The following ANK2 variants were observed in gnomAD, a reference collection of about 807,000 sequenced individuals.
ANK2 encodes ankyrin 2.
A neutral mutation model predicts 360.5 loss-of-function variants in ANK2; 83 were observed. The ratio of observed to expected loss-of-function variants is 0.23; its 90% CI spans 0.19 to 0.28. The LOEUF is 0.28. Among genes scored for constraint, ANK2 ranks in the 10% least tolerant of loss-of-function variants. The pLI, the probability that ANK2 is intolerant of heterozygous loss-of-function variation, is 1.00. For synonymous variants in ANK2, 1,740 were observed against 1,759.5 expected (o/e 0.99, Z 0.28); for missense variants, 4,201 against 4,795.7 (o/e 0.88, Z 3.66).
rs773079706 is a variant in ANK2 at position 113,333,041 on chromosome 4, A to T, written c.3225-13A>T. 6.2e-7 allele frequency: 1 copy of T among 1,614,142 alleles called. No individual in the cohort carries two copies. ...CTCCTGTCCACACTGAATGTTCTGCATTGCTATGTCAGGCCTGTGATCGTG... is the reference window on the plus strand; with the variant it reads ...CTCCTGTCCACACTGAATGTTCTGCTTTGCTATGTCAGGCCTGTGATCGTG... On this transcript the variant is annotated splice_polypyrimidine_tract_variant and intron_variant, in intron 28 of 45. Coordinates refer to ENST00000357077, the MANE Select transcript of ANK2 (RefSeq NM_001148.6).
At chr4:112,914,580 G>T (rs1187423843) in intron 2 of ANK2, among the ~76,000 whole-genome samples, 2 of 152,120 alleles carry the variant, frequency 1.3e-5, no homozygotes, top group African/African-American at 4.8e-5. Context: ...CTCCAGCCTA[G>T]GTGACAGAGC....
At chr4:112,938,576 A>T (rs2093950515) in intron 2 of ANK2, among the ~76,000 whole-genome samples, 1 of 152,238 alleles carries the variant, frequency 6.6e-6, no homozygotes, top group Admixed American at 6.5e-5. Context: ...AAAATCAAGT[A>T]ATGGCAAAAT....
chr4:113,069,649 TGA>T (rs2076852956), intron 1 of ANK2, among the ~76,000 whole-genome samples: 1 of 152,212 alleles, frequency 6.6e-6, no homozygotes, highest in Non-Finnish European at 1.5e-5. Context: ...GCACCATCAT[TGA>T]TACTAAACTT....
chr4:112,781,009 AT>A, the ANK2 span, among the ~76,000 whole-genome samples: 90 of 152,162 alleles, frequency 5.9e-4, no homozygotes, highest in African/African-American at 2.1e-3. Flanking sequence ...AAAAGTTATT[AT>A]TTTTTTGAGA....
chr4:112,864,689 A>G (rs571798033), intron 1 of ANK2, among the ~76,000 whole-genome samples: 2 of 152,182 alleles, frequency 1.3e-5, no homozygotes, highest in East Asian at 3.9e-4. Context: ...GTTTTGATAT[A>G]ATATAAAAGC....
chr4:113,098,996 A>G (rs2092277839), intron 1 of ANK2, among the ~76,000 whole-genome samples: 1 of 151,932 alleles, frequency 6.6e-6, no homozygotes, highest in Non-Finnish European at 1.5e-5. Flanking sequence ...CTAGGAACTG[A>G]GGGGAACTTC....
chr4:112,997,288 A>C (rs73840981), intron 2 of ANK2, among the ~76,000 whole-genome samples: 2 of 152,148 alleles, frequency 1.3e-5, no homozygotes, highest in Non-Finnish European at 2.9e-5. Context: ...CTCTTTAGCA[A>C]TTTTCAAGTA....
At chr4:113,284,658 T>C (rs1365120472) in intron 18 of ANK2, among the ~76,000 whole-genome samples, 1 of 152,212 alleles carries the variant, frequency 6.6e-6, no homozygotes, top group Non-Finnish European at 1.5e-5. Flanking sequence ...CAAAGTAATT[T>C]TGTTATCTTT....
chr4:112,846,956 C>T (rs2063463565), intron 1 of ANK2, among the ~76,000 whole-genome samples: 1 of 152,174 alleles, frequency 6.6e-6, no homozygotes, highest in African/African-American at 2.4e-5. Context: ...GACTTCCCTC[C>T]TGAGGAAGTG....
chr4:112,888,781 G>T (rs2079113043), intron 1 of ANK2, among the ~76,000 whole-genome samples: 1 of 152,142 alleles, frequency 6.6e-6, no homozygotes, highest in Admixed American at 6.5e-5. Context: ...AAATGTTTTT[G>T]GTCCAAGTTG....
At chr4:112,908,730 G>A (rs1315929428) in intron 2 of ANK2, among the ~76,000 whole-genome samples, 1 of 152,202 alleles carries the variant, frequency 6.6e-6, no homozygotes, top group East Asian at 1.9e-4. Flanking sequence ...CTGGCTGGCT[G>A]AGGACTCCCC....
chr4:113,370,799 A>G (rs931394440), intron 43 of ANK2, among the ~76,000 whole-genome samples: 2 of 152,226 alleles, frequency 1.3e-5, no homozygotes, highest in African/African-American at 4.8e-5. Context: ...TTATTCTCAA[A>G]ATGTGGTCTA....
intron 1 of ANK2, among the ~76,000 whole-genome samples, chr4:113,160,526 T>G (rs1410925490): frequency 6.6e-6 from 1 of 152,238 alleles, no homozygotes; most frequent in Non-Finnish European, 1.5e-5. Context: ...TTCACTAGTT[T>G]AATTCATATC....
At chr4:112,752,207 ACT>A in the ANK2 span, among the ~76,000 whole-genome samples, 74 of 152,164 alleles carry the variant, frequency 4.9e-4, no homozygotes, top group African/African-American at 1.7e-3. Flanking sequence ...TACTAACATC[ACT>A]CTCTGCTCTT....
At chr4:112,710,590 C>G in the ANK2 span, among the ~76,000 whole-genome samples, 2 of 151,622 alleles carry the variant, frequency 1.3e-5, no homozygotes, top group Non-Finnish European at 2.9e-5. Flanking sequence ...CCCAGCTACC[C>G]GGGAGGCTGA....
chr4:113,370,112 T>C (rs576158564), intron 43 of ANK2, among the ~76,000 whole-genome samples: 3 of 152,240 alleles, frequency 2.0e-5, no homozygotes, highest in South Asian at 2.1e-4. Context: ...TCAAAATTAG[T>C]AAACTTGGGC....
At chr4:113,153,236 A>T (rs1267237505) in intron 1 of ANK2, among the ~76,000 whole-genome samples, 1 of 152,170 alleles carries the variant, frequency 6.6e-6, no homozygotes, top group Admixed American at 6.5e-5. Context: ...TTGTGTACTT[A>T]AATTGGATCT....
Position 113,178,897 on chromosome 4 carries a change from A to G in ANK2, c.186+4380A>G, listed in dbSNP as rs78822675. Among the ~76,000 whole-genome samples, 786 of 152,302 alleles carry G rather than the reference A, an allele frequency of 5.2e-3. 9 individuals are homozygous for G. The highest frequency in any genetic ancestry group is 0.018 in the African/African-American group (767 of 41,564). ...AGTCCAAGCTTTTTTCTGCTGCAGGATATCTTTTTGAGTAGCTATTTGGAG... is the reference window on the plus strand; with the variant it reads ...AGTCCAAGCTTTTTTCTGCTGCAGGGTATCTTTTTGAGTAGCTATTTGGAG... On this transcript the variant is annotated intron_variant, in intron 2 of 45. Coordinates refer to ENST00000357077, the MANE Select transcript of ANK2 (RefSeq NM_001148.6).
the ANK2 span, among the ~76,000 whole-genome samples, chr4:112,715,729 C>G: frequency 6.6e-6 from 1 of 152,140 alleles, no homozygotes; most frequent in Admixed American, 6.6e-5. Context: ...GACACAAGCT[C>G]TAAGCTCTAG....
Sources: gnomAD v4.1 joint callset for allele counts (sites outside exome capture counted in the v4.1 genomes callset) on GRCh38, gnomAD v4.1.1 for gene constraint, MANE v1.5 for transcripts, NCBI Gene and HGNC (gene_info 2026-07-23, HGNC 2026-07-21) for gene names.